AFF2: variants seen among roughly 807,000 people sequenced by gnomAD.
The protein encoded by AFF2 is ALF transcription elongation factor 2, also known as AF4/FMR2 family member 2.
Under a neutral mutation model 76.9 loss-of-function variants are expected in AFF2, and 14 were observed. That is an observed-to-expected ratio of 0.18 (90% CI 0.12 to 0.28). AFF2 has a LOEUF of 0.28. Ranked by LOEUF, AFF2 falls within the 10% of genes least tolerant of loss-of-function variation. AFF2 has a pLI of 1.00. For missense variants in AFF2, 868 were observed against 1,001.1 expected, an observed-to-expected ratio of 0.87 and a Z score of 1.79; for synonymous variants, 398 against 366.7, an observed-to-expected ratio of 1.09 and a Z score of -0.98.
chrX:148,982,139 T>TA (rs1234458918), intron 19 of AFF2, among the ~76,000 whole-genome samples: 6 of 111,698 alleles, frequency 5.4e-5, no homozygotes, highest in South Asian at 3.8e-4. Context: ...AGCGTTTTTT[T>TA]AAAAAAAATT....
intron 8 of AFF2, among the ~76,000 whole-genome samples, chrX:148,897,794 G>A (rs73612063): frequency 0.12 from 12,690 of 110,035 alleles, 1,857 homozygotes; most frequent in African/African-American, 0.4. Flanking sequence ...TGGTTAGGGG[G>A]AAGAAAATTG....
chrX:148,644,002 A>G (rs187378110), intron 1 of AFF2, among the ~76,000 whole-genome samples: 30 of 111,657 alleles, frequency 2.7e-4, no homozygotes, highest in African/African-American at 7.5e-4. Context: ...TGGTCATTCT[A>G]TATAAAAGTG....
chrX:148,951,165 GCACACACA>G (rs781825506), intron 9 of AFF2, among the ~76,000 whole-genome samples: 1 of 39,123 alleles, frequency 2.6e-5, no homozygotes, highest in African/African-American at 6.0e-5. Context: ...ACACATACAC[GCACACACA>G]CACACACGCA....
At chrX:148,687,407 A>G (rs143976113) in intron 3 of AFF2, among the ~76,000 whole-genome samples, 3,942 of 111,993 alleles carry the variant, frequency 0.035, 179 homozygotes, top group African/African-American at 0.12. Flanking sequence ...TTTTTAATTC[A>G]AATCAATTAG....
At chrX:148,889,089 T>G (rs1184699725) in intron 8 of AFF2, among the ~76,000 whole-genome samples, 1 of 111,938 alleles carries the variant, frequency 8.9e-6, no homozygotes, top group Non-Finnish European at 1.9e-5. Context: ...GTGTAGTGAG[T>G]ACACAGCAAT....
chrX:148,619,847 T>G (rs782407752), intron 1 of AFF2, among the ~76,000 whole-genome samples: 5 of 112,259 alleles, frequency 4.5e-5, no homozygotes, highest in Admixed American at 9.4e-5. Context: ...CTATGTGATT[T>G]TATGAGTTCT....
intron 7 of AFF2, among the ~76,000 whole-genome samples, chrX:148,865,012 A>G (rs782515611): frequency 8.9e-6 from 1 of 112,428 alleles, no homozygotes; most frequent in South Asian, 3.7e-4. Flanking sequence ...TTATTTTTCT[A>G]CTTCTTGTGA....
intron 3 of AFF2, among the ~76,000 whole-genome samples, chrX:148,797,695 C>G (rs2070003313): frequency 9.0e-6 from 1 of 111,565 alleles, no homozygotes; most frequent in South Asian, 3.8e-4. Context: ...AGCCATGAAT[C>G]TGGCTTTTTA....
At chrX:148,677,679 G>A (rs927694956) in intron 3 of AFF2, among the ~76,000 whole-genome samples, 2 of 112,405 alleles carry the variant, frequency 1.8e-5, no homozygotes, top group African/African-American at 6.5e-5. Flanking sequence ...GATACTTCCT[G>A]ACTTTGTTTC....
intron 9 of AFF2, among the ~76,000 whole-genome samples, chrX:148,935,620 G>T (rs375828800): frequency 9.0e-6 from 1 of 111,612 alleles, no homozygotes; most frequent in African/African-American, 3.3e-5. Flanking sequence ...CCTTGGTTTC[G>T]TGTGAAATTG....
At chrX:148,594,481 C>T (rs1345620244) in intron 1 of AFF2, among the ~76,000 whole-genome samples, 3 of 106,239 alleles carry the variant, frequency 2.8e-5, no homozygotes, top group Non-Finnish European at 3.9e-5. Flanking sequence ...AATTTAACTC[C>T]CTTTTAAAAC....
At chrX:148,806,307 C>T (rs931012164) in intron 3 of AFF2, among the ~76,000 whole-genome samples, 7 of 112,238 alleles carry the variant, frequency 6.2e-5, no homozygotes, top group African/African-American at 1.3e-4. Flanking sequence ...GGTGCATCTC[C>T]GCAGGGGGCT....
At chrX:148,819,882 T>C (rs2070308099) in intron 4 of AFF2, among the ~76,000 whole-genome samples, 1 of 111,734 alleles carries the variant, frequency 8.9e-6, no homozygotes, top group African/African-American at 3.2e-5. Context: ...AGATTGTATT[T>C]AATCTTTCTC....
chrX:148,928,489 A>G (rs2124287157), intron 9 of AFF2, among the ~76,000 whole-genome samples: 1 of 113,183 alleles, frequency 8.8e-6, no homozygotes, highest in Admixed American at 9.3e-5. Flanking sequence ...TTATTAAGCC[A>G]CAGAATGAGA....
chrX:148,955,023 A>G (rs1557287054), intron 10 of AFF2, among the ~76,000 whole-genome samples: 1 of 112,767 alleles, frequency 8.9e-6, no homozygotes, highest in Non-Finnish European at 1.9e-5. Context: ...TACACCGACG[A>G]AAGCTCAGTG....
rs782747028 is a variant in AFF2 at position 148,956,307 on chromosome X, G to A, written c.2262G>A (p.Leu754=). 5.8e-6 allele frequency: 7 copies of A among 1,210,001 alleles called. No individual in the cohort carries two copies. Among genetic ancestry groups the A allele is most frequent in the African/African-American group, 1.8e-5 (1 of 57,129 alleles). The change falls in exon 11 of 21, where the codon CTG becomes CTA. Residue 754 remains leucine (L), a synonymous_variant. Transcript: ENST00000370460. ...CCAAGGAAATCTGTGGTGCCAGCCTGACCCTCAGCACCTTAATGAGTAGCA... is the reference window on the plus strand; with the variant it reads ...CCAAGGAAATCTGTGGTGCCAGCCTAACCCTCAGCACCTTAATGAGTAGCA... ...AKSKEICGAS[L]TLSTLMSSSG...
rs1466534422 is a variant in AFF2, at chrX:149,000,197, C to T, written c.*8865C>T. ...TTGGCTTTATGAGAATCCAATTAGTCTTCTGAACCACCTTTTCTTGGGTGC... is the reference window on the plus strand; with the variant it reads ...TTGGCTTTATGAGAATCCAATTAGTTTTCTGAACCACCTTTTCTTGGGTGC... On this transcript the variant is annotated 3_prime_UTR_variant, in exon 21 of 21. Coordinates refer to ENST00000370460, the MANE Select transcript of AFF2 (RefSeq NM_002025.4). The T allele has an allele frequency of 8.9e-6, 1 of 112,300 alleles. No homozygotes were observed. Among genetic ancestry groups the T allele is most frequent in the Non-Finnish European group, 1.9e-5 (1 of 53,251 alleles). 9.3% of individuals were successfully genotyped at this position (112,300 alleles called of 1,213,427 possible).
At chrX:148,875,403 G>A (rs782213638) in intron 7 of AFF2, among the ~76,000 whole-genome samples, 4 of 111,802 alleles carry the variant, frequency 3.6e-5, no homozygotes, top group African/African-American at 1.3e-4. Context: ...GTCTACCTAC[G>A]TGGAGAGAAT....
intron 3 of AFF2, among the ~76,000 whole-genome samples, chrX:148,719,664 A>G (rs782472785): frequency 8.9e-6 from 1 of 111,941 alleles, no homozygotes; most frequent in Non-Finnish European, 1.9e-5. Flanking sequence ...GATCAAAACA[A>G]ACAACGATAA....
Sources: allele counts gnomAD v4.1 joint callset (sites outside exome capture counted in the v4.1 genomes callset), GRCh38; gene constraint gnomAD v4.1.1; transcripts MANE v1.5; gene names NCBI Gene and HGNC (gene_info 2026-07-23, HGNC 2026-07-21).